The following KIF18A variants were observed in gnomAD, a reference collection of about 807,000 sequenced individuals.
KIF18A encodes kinesin family member 18A.
A neutral mutation model predicts 103.3 loss-of-function variants in KIF18A; 67 were observed. That is an observed-to-expected ratio of 0.65 (90% CI 0.53 to 0.79). KIF18A has a LOEUF of 0.79. Among genes scored for constraint, KIF18A ranks in the 30% least tolerant of loss-of-function variants. KIF18A has a pLI of 0.00. For missense variants in KIF18A, 1,032 were observed against 1,062.5 expected (o/e 0.97, Z 0.40); for synonymous variants, 367 against 355.5 (o/e 1.03, Z -0.36).
chr11:28,091,559 A>T, intron 3 of KIF18A, 46 bp from the exon 4 acceptor site: 1 of 986,440 alleles, frequency 1.0e-6, no homozygotes, highest in Non-Finnish European at 1.6e-6. Context: ...AAAAAAAAAA[A>T]TGGTGATTAC....
chr11:28,023,728 A>G lies in KIF18A; in HGVS notation c.2614+13T>C, dbSNP rs1188731835. ...TCATACCATTAAATATCAAATTAAA[A>G]GCTGAGACATACCCATTGTTGGTTT... On this transcript the variant is annotated intron_variant, in intron 16 of 16. Coordinates refer to ENST00000263181, the MANE Select transcript of KIF18A (RefSeq NM_031217.4). The G allele has an allele frequency of 2.1e-6, 3 of 1,434,238 alleles. No individual in the cohort carries two copies. The highest frequency in any genetic ancestry group is 1.2e-5 in the South Asian group (1 of 86,600). The allele number at this position is 1,434,238 out of a possible 1,614,324, so 88.8% of individuals were successfully genotyped here. A position where few individuals can be genotyped will look rare whatever the true frequency, so the allele number is the denominator to read the frequency against.
intron 13 of KIF18A, among the ~76,000 whole-genome samples, chr11:28,057,940 T>C (rs1850802892): frequency 6.6e-6 from 1 of 152,196 alleles, no homozygotes; most frequent in Non-Finnish European, 1.5e-5. Context: ...GGTCACTATG[T>C]GTAATGTGCT....
At chr11:28,081,211 T>C (rs1851161394) in intron 9 of KIF18A, among the ~76,000 whole-genome samples, 1 of 152,134 alleles carries the variant, frequency 6.6e-6, no homozygotes, top group Non-Finnish European at 1.5e-5. Context: ...TCGAGAAAAT[T>C]TAGGTAAGAT....
At chr11:28,106,921 C>T (rs913275975) in intron 1 of KIF18A, among the ~76,000 whole-genome samples, 1 of 152,042 alleles carries the variant, frequency 6.6e-6, no homozygotes, top group Non-Finnish European at 1.5e-5. Context: ...CAGTGAGCAG[C>T]GATCACGTCA....
chr11:28,037,251 T>C (rs1244822666), intron 13 of KIF18A, among the ~76,000 whole-genome samples: 1 of 151,460 alleles, frequency 6.6e-6, no homozygotes, highest in East Asian at 1.9e-4. Context: ...AAATTCTGGG[T>C]GAATGAAAGC....
Position 28,021,146 on chromosome 11 carries a change from T to A in KIF18A, c.*54A>T. The A allele has an allele frequency of 1.4e-6, 2 of 1,423,004 alleles. No individual in the cohort carries two copies. The allele number at this position is 1,423,004 out of a possible 1,614,324, so 88.1% of individuals were successfully genotyped here. A position where few individuals can be genotyped will look rare whatever the true frequency, so the allele number is the denominator to read the frequency against. On this transcript the variant is annotated 3_prime_UTR_variant, in exon 17 of 17. Coordinates refer to ENST00000263181, the MANE Select transcript of KIF18A (RefSeq NM_031217.4). ...AAATATATTTTTGAAAGGGTATTGA[T>A]AAACTTTGAAAAGCAGATTTGATCA...
chr11:28,059,280 G>T, intron 12 of KIF18A, 119 bp from the exon 13 acceptor site: 1 of 752,082 alleles, frequency 1.3e-6, no homozygotes, highest in Non-Finnish European at 2.2e-6. Context: ...TCCCATGTAT[G>T]AACTGAGTTC....
intron 15 of KIF18A, among the ~76,000 whole-genome samples, chr11:28,024,871 G>A (rs11030190): frequency 3.4e-4 from 52 of 151,588 alleles, no homozygotes; most frequent in Non-Finnish European, 6.0e-4. Context: ...CCTTATCGAC[G>A]GGGGGGATAT....
At chr11:28,038,460 T>C (rs991941052) in intron 13 of KIF18A, among the ~76,000 whole-genome samples, 1 of 151,702 alleles carries the variant, frequency 6.6e-6, no homozygotes, top group African/African-American at 2.4e-5. Flanking sequence ...GAAGAAACTA[T>C]TACGTGTATT....
At chr11:28,049,517 C>T (rs531713927) in intron 13 of KIF18A, among the ~76,000 whole-genome samples, 8 of 152,062 alleles carry the variant, frequency 5.3e-5, no homozygotes, top group African/African-American at 1.7e-4. Flanking sequence ...CGGTATTTAG[C>T]AAACATGAGT....
rs769674798 is a variant in KIF18A, at chr11:28,036,187, AAAG to A, written c.2396+27_2396+29del. On this transcript the variant is annotated intron_variant, in intron 14 of 16. Coordinates refer to ENST00000263181, the MANE Select transcript of KIF18A (RefSeq NM_031217.4). The stretch of plus-strand genomic sequence containing the variant: ...ATAGTTGAAAGTCTATGTTAAAAAA[AAAG>A]AATTGGCAAATATTATTTTTTTGTA... 1.3e-5 allele frequency: 18 copies of A among 1,437,728 alleles called. No homozygotes were observed. The South Asian group carries it at 2.2e-4, about 18-fold the overall frequency. 89.1% of individuals were successfully genotyped at this position (1,437,728 alleles called of 1,614,324 possible). A position where few individuals can be genotyped will look rare whatever the true frequency, so the allele number is the denominator to read the frequency against.
intron 15 of KIF18A, among the ~76,000 whole-genome samples, chr11:28,024,191 T>TAA (rs60587483): frequency 0.19 from 20,953 of 110,846 alleles, 4,154 homozygotes; most frequent in African/African-American, 0.5. Context: ...CACAAGAGGT[T>TAA]AAAAAAAAAA....
intron 9 of KIF18A, among the ~76,000 whole-genome samples, chr11:28,081,178 G>T (rs1272105835): frequency 6.6e-6 from 1 of 152,190 alleles, no homozygotes; most frequent in African/African-American, 2.4e-5. Context: ...AGCAAGTGCT[G>T]ATGTAGAAGC....
At chr11:28,104,267 C>T (rs938935597) in intron 1 of KIF18A, among the ~76,000 whole-genome samples, 1 of 152,160 alleles carries the variant, frequency 6.6e-6, no homozygotes, top group Non-Finnish European at 1.5e-5. Context: ...GACTTCTCAT[C>T]ATAAGAATAA....
intron 15 of KIF18A, among the ~76,000 whole-genome samples, chr11:28,025,447 A>G (rs1850304516): frequency 6.6e-6 from 1 of 151,964 alleles, no homozygotes; most frequent in Non-Finnish European, 1.5e-5. Flanking sequence ...AATTTATCCC[A>G]AAGTTGTCTT....
At chr11:28,098,719 A>G (rs1158193387) in intron 1 of KIF18A, among the ~76,000 whole-genome samples, 1 of 152,168 alleles carries the variant, frequency 6.6e-6, no homozygotes, top group East Asian at 1.9e-4. Flanking sequence ...TAGCAGGTTT[A>G]AAAATTATGG....
intron 3 of KIF18A, among the ~76,000 whole-genome samples, chr11:28,094,167 A>G (rs542933980): frequency 4.6e-5 from 7 of 152,298 alleles, no homozygotes; most frequent in Middle Eastern, 3.4e-3. Context: ...CTAAGATATA[A>G]CAACTGAATA....
At chr11:28,074,385 T>C (rs573976593) in intron 10 of KIF18A, among the ~76,000 whole-genome samples, 136 of 152,196 alleles carry the variant, frequency 8.9e-4, no homozygotes, top group Non-Finnish European at 1.7e-3. Flanking sequence ...AAAGTGAAAG[T>C]ACAAATATAG....
At position 28,036,489 on chromosome 11, in the gene KIF18A, T is replaced by G; in HGVS notation, c.2124A>C (p.Glu708Asp). 6.2e-7 allele frequency: 1 copy of G among 1,611,390 alleles called. No individual in the cohort carries two copies. The highest frequency in any genetic ancestry group is 8.5e-7 in the Non-Finnish European group (1 of 1,178,290). The change falls in exon 14 of 17, where the codon GAA (glutamate) becomes GAC (aspartate). Residue 708 changes from glutamate to aspartate, a missense_variant. Physicochemically the swap from Glu to Asp is conservative, Grantham distance 45 (BLOSUM62 2). Coordinates refer to ENST00000263181, the MANE Select transcript of KIF18A (RefSeq NM_031217.4). ...GATTTTGAAAAGCTTTTCTACAGTC[T>G]TCTGGTGTATATACAATAGGCTGAA... is the stretch of plus-strand genomic sequence containing the variant. ...KELQPIVYTP[E>D]DCRKAFQNPS... is the part of the protein sequence containing the mutation.
Sources: gnomAD v4.1 joint callset for allele counts (sites outside exome capture counted in the v4.1 genomes callset) on GRCh38, gnomAD v4.1.1 for gene constraint, MANE v1.5 for transcripts, NCBI Gene and HGNC (gene_info 2026-07-23, HGNC 2026-07-21) for gene names.